LYZL4: variants seen among roughly 807,000 people sequenced by gnomAD.
The protein encoded by LYZL4 is lysozyme-like protein 4.
Under a neutral mutation model 17.6 loss-of-function variants are expected in LYZL4, and 13 were observed. That is an observed-to-expected ratio of 0.74 (90% confidence interval 0.48 to 1.18). The LOEUF (loss-of-function observed/expected upper bound fraction) is 1.18, where lower values mean the gene tolerates loss of function less well. Ranked by LOEUF, LYZL4 falls within the 50% of genes most tolerant of loss-of-function variation. The pLI is 0.00. For missense variants in LYZL4, 174 were observed against 188.2 expected (o/e 0.92, Z 0.44); for synonymous variants, 64 against 67.7 (o/e 0.95, Z 0.27).
the LYZL4 span, among the ~76,000 whole-genome samples, chr3:42,388,026 G>A: frequency 2.2e-4 from 34 of 152,278 alleles, no homozygotes; most frequent in Admixed American, 1.3e-3. Context: ...TCCAGGGGTC[G>A]TGAGCAGGAG....
downstream of LYZL4, among the ~76,000 whole-genome samples, chr3:42,392,772 T>C (rs528775768): frequency 6.6e-6 from 1 of 152,132 alleles, no homozygotes; most frequent in Non-Finnish European, 1.5e-5. Flanking sequence ...CAAAGAATTA[T>C]TGGCATCAGA....
intron 4 of LYZL4, 98 bp downstream of exon 4, chr3:42,403,948 C>A (rs1698704145): frequency 3.7e-6 from 3 of 819,750 alleles, no homozygotes; most frequent in East Asian, 2.6e-5. Context: ...TTAGTTTTGG[C>A]ACTGCACGTG....
At chr3:42,378,428 G>A in the LYZL4 span, among the ~76,000 whole-genome samples, 1 of 152,158 alleles carries the variant, frequency 6.6e-6, no homozygotes, top group African/African-American at 2.4e-5. Flanking sequence ...CAGCTTGTCT[G>A]GAGTTTGTAT....
intron 4 of LYZL4, 96 bp from the exon 5 acceptor site, chr3:42,397,430 C>A: frequency 1.3e-6 from 1 of 799,330 alleles, no homozygotes; most frequent in Non-Finnish European, 2.1e-6. Context: ...ACCTGCCTGC[C>A]CCTTGGAGCC....
At chr3:42,369,676 C>G in the LYZL4 span, among the ~76,000 whole-genome samples, 1 of 152,284 alleles carries the variant, frequency 6.6e-6, no homozygotes, top group East Asian at 1.9e-4. Context: ...ACTTTGGGAG[C>G]TTTGCTCCCC....
At chr3:42,400,338 CT>C (rs1217434106) in intron 4 of LYZL4, among the ~76,000 whole-genome samples, 1 of 152,290 alleles carries the variant, frequency 6.6e-6, no homozygotes, top group East Asian at 1.9e-4. Flanking sequence ...ATCCCCATCT[CT>C]TTGAGTATAA....
At chr3:42,361,254 C>T in the LYZL4 span, among the ~76,000 whole-genome samples, 1 of 151,890 alleles carries the variant, frequency 6.6e-6, no homozygotes, top group Non-Finnish European at 1.5e-5. Context: ...TTGATTTTTT[C>T]CATCTGACAA....
At chr3:42,392,637 G>T (rs528986255), downstream of LYZL4, among the ~76,000 whole-genome samples, 9 of 152,238 alleles carry the variant, frequency 5.9e-5, no homozygotes, top group East Asian at 1.7e-3. Context: ...GGGGATGAGG[G>T]TGCATGCATG....
chr3:42,368,750 A>G, the LYZL4 span, among the ~76,000 whole-genome samples: 1 of 152,188 alleles, frequency 6.6e-6, no homozygotes, highest in Admixed American at 6.5e-5. Context: ...CATTCTAACC[A>G]AGTACAGCAA....
At chr3:42,397,643 C>T (rs1036610922) in intron 4 of LYZL4, among the ~76,000 whole-genome samples, 10 of 151,998 alleles carry the variant, frequency 6.6e-5, no homozygotes, top group East Asian at 1.9e-4. Context: ...AACCCTGCAA[C>T]GGAGGTATCA....
downstream of LYZL4, among the ~76,000 whole-genome samples, chr3:42,396,546 TACA>T (rs1301378725): frequency 6.6e-6 from 1 of 152,232 alleles, no homozygotes; most frequent in Non-Finnish European, 1.5e-5. Context: ...ACTCTCTAAC[TACA>T]ACATTATCAT....
chr3:42,388,090 G>A, the LYZL4 span, among the ~76,000 whole-genome samples: 3 of 152,172 alleles, frequency 2.0e-5, no homozygotes, highest in African/African-American at 7.2e-5. Context: ...TCATCATCCT[G>A]TAAGTGGGAC....
intron 1 of LYZL4, among the ~76,000 whole-genome samples, chr3:42,408,899 A>T (rs531651104): frequency 5.3e-5 from 8 of 152,286 alleles, no homozygotes; most frequent in African/African-American, 1.9e-4. Context: ...GTCAGACAAA[A>T]ATGTTCCTAT....
At chr3:42,407,445 G>T in intron 1 of LYZL4, 102 bp from the exon 2 acceptor site, 1 of 682,912 alleles carries the variant, frequency 1.5e-6, no homozygotes, top group East Asian at 2.8e-5. Context: ...TCTGCTTCGT[G>T]TCACTGCAAA....
intron 1 of LYZL4, among the ~76,000 whole-genome samples, chr3:42,408,228 T>C (rs990812637): frequency 1.3e-5 from 2 of 152,156 alleles, no homozygotes; most frequent in African/African-American, 2.4e-5. Context: ...CCCCTCTTCT[T>C]ACCACAGCAA....
chr3:42,375,321 C>T, the LYZL4 span, among the ~76,000 whole-genome samples: 1 of 152,208 alleles, frequency 6.6e-6, no homozygotes, highest in African/African-American at 2.4e-5. Context: ...CCAGCAACTT[C>T]CTCAGCCTCT....
the LYZL4 span, among the ~76,000 whole-genome samples, chr3:42,362,232 A>C: frequency 6.6e-6 from 1 of 152,204 alleles, no homozygotes; most frequent in Non-Finnish European, 1.5e-5. Context: ...AAAGACATCC[A>C]TCCTGCTTAT....
the LYZL4 span, among the ~76,000 whole-genome samples, chr3:42,390,504 G>T: frequency 6.6e-6 from 1 of 152,056 alleles, no homozygotes; most frequent in Non-Finnish European, 1.5e-5. Context: ...TTTGTGGCAG[G>T]TGGATTACAC....
the LYZL4 span, among the ~76,000 whole-genome samples, chr3:42,360,824 C>G: frequency 6.6e-6 from 1 of 151,950 alleles, no homozygotes; most frequent in Non-Finnish European, 1.5e-5. Context: ...GGACTAGAAC[C>G]AGAGAACTGT....
Sources: allele counts gnomAD v4.1 joint callset (sites outside exome capture counted in the v4.1 genomes callset), GRCh38; gene constraint gnomAD v4.1.1; transcripts MANE v1.5; gene names NCBI Gene and HGNC (gene_info 2026-07-23, HGNC 2026-07-21).